TIGD1: variants seen among roughly 807,000 people sequenced by gnomAD.
TIGD1 encodes tigger transposable element derived 1.
TIGD1 carries 20 observed loss-of-function variants against 21.3 expected under a neutral mutation model. The observed-to-expected ratio is 0.94, with a 90% CI of 0.66 to 1.36. The LOEUF is 1.36. Ranked by LOEUF, TIGD1 falls within the 40% of genes most tolerant of loss-of-function variation. The pLI is 0.00. For synonymous variants in TIGD1, 177 were observed against 123.2 expected (o/e 1.44, Z -2.89); for missense variants, 556 against 350.5 (o/e 1.59, Z -4.68).
chr2:232,548,392 G>T lies in TIGD1; in HGVS notation c.1491C>A (p.Asn497Lys). The change falls in exon 1 of 1, where the codon AAC (asparagine) becomes AAA (lysine). Residue 497 changes from asparagine (N) to lysine (K), a missense_variant. Physicochemically the swap from Asn to Lys is moderately conservative, Grantham distance 94 (BLOSUM62 0). Transcript: ENST00000408957. Reference protein sequence around the residue: ...MTTKDLEYYINLVDKAAAGFE... With the variant: ...MTTKDLEYYIKLVDKAAAGFE... ...ACCCTGCTGCTGCTTTATCAACTAAGTTTATGTAATATTCTAAATCCTTTG... is the reference window on the plus strand; with the variant it reads ...ACCCTGCTGCTGCTTTATCAACTAATTTTATGTAATATTCTAAATCCTTTG... The T allele has an allele frequency of 1.2e-6, 1 of 820,846 alleles. No homozygotes were observed. The highest frequency in any genetic ancestry group is 2.0e-6 in the Non-Finnish European group (1 of 505,398). 50.8% of individuals were successfully genotyped at this position (820,846 alleles called of 1,614,324 possible).
In TIGD1 at chr2:232,546,883, G is replaced by A. The variant is rs1031682978; in HGVS notation, c.*1224C>T. On this transcript the variant is annotated 3_prime_UTR_variant, in exon 1 of 1. Transcript: ENST00000408957. ...GGAAGAGCTAGGCAAGAGGAGGTGTGGAGTTAACAGAGAGCCACTGAGCTC... is the reference window on the plus strand; with the variant it reads ...GGAAGAGCTAGGCAAGAGGAGGTGTAGAGTTAACAGAGAGCCACTGAGCTC... Among the ~76,000 whole-genome samples the A allele has an allele frequency of 1.3e-5, 2 of 152,092 alleles. No homozygotes were observed. Among genetic ancestry groups the A allele is most frequent in the Admixed American group, 6.5e-5 (1 of 15,272 alleles).
Position 232,548,258 on chromosome 2 carries a change from A to G in TIGD1, c.1625T>C (p.Met542Thr). 1 of 1,543,222 alleles carries G rather than the reference A, an allele frequency of 6.5e-7. No homozygotes were observed. Among genetic ancestry groups the G allele is most frequent in the Non-Finnish European group, 8.7e-7 (1 of 1,146,348 alleles). ...EIFHERKSQL[M>T]RKASPMSYFR... is the part of the protein sequence containing the mutation. ...ATAAGACATCGGTGAAGCTTTTCGCATGAGTTGACTCTTCCTTTCATGAAA... is the reference window on the plus strand; with the variant it reads ...ATAAGACATCGGTGAAGCTTTTCGCGTGAGTTGACTCTTCCTTTCATGAAA... The change falls in exon 1 of 1, where the codon ATG (methionine) becomes ACG (threonine). Residue 542 changes from methionine to threonine, a missense_variant. Transcript: ENST00000408957.
Position 232,549,961 on chromosome 2 carries a change from G to T in TIGD1, c.-79C>A. ...GAGGCCCAAGAAGAGGGAGAGAGAT[G>T]GGGAACGGTCTGTGGGTGGAGCGGT... On this transcript the variant is annotated 5_prime_UTR_variant, in exon 1 of 1. Coordinates refer to ENST00000408957, the MANE Select transcript of TIGD1 (RefSeq NM_145702.4). 1.3e-6 allele frequency: 1 copy of T among 789,412 alleles called. No homozygotes were observed. The highest frequency in any genetic ancestry group is 1.9e-5 in the South Asian group (1 of 51,656). The allele number at this position is 789,412 out of a possible 1,614,324, so 48.9% of individuals were successfully genotyped here. A position where few individuals can be genotyped will look rare whatever the true frequency, so the allele number is the denominator to read the frequency against.
Position 232,545,584 on chromosome 2 carries a change from C to T in TIGD1, c.*2523G>A, listed in dbSNP as rs2099489. 0.2 allele frequency: 318,984 copies of T among 1,613,722 alleles called. 32,366 individuals are homozygous for T. The highest frequency in any genetic ancestry group is 0.24 in the Middle Eastern group (1,438 of 6,062). ...TCCTGGTGGGCCGAGTGCTGGACCG[C>T]GTCTGCTTCCTGGCCATGCTCTCGC... is the stretch of plus-strand genomic sequence containing the variant. On this transcript the variant is annotated 3_prime_UTR_variant, in exon 1 of 1. Transcript: ENST00000408957.
Position 232,544,960 on chromosome 2 carries a change from TAG to T in TIGD1, c.*3145_*3146del, listed in dbSNP as rs1025248196. On this transcript the variant is annotated 3_prime_UTR_variant, in exon 1 of 1. Transcript: ENST00000408957. ...TGAGTACCTGGGCTTGGAACCGTGA[TAG>T]AGACAGGATGAGTGGGGTTGCCAAG... 9.9e-6 allele frequency: 16 copies of T among 1,608,948 alleles called. No homozygotes were observed. The African/African-American group carries it at 1.1e-4, about 11-fold the overall frequency.
rs1475968129 is a variant in TIGD1 at position 232,548,217 on chromosome 2, G to A, written c.1666C>T (p.Gln556Ter). Residue 556 changes from glutamine to a stop codon, truncating the protein, a stop_gained, in exon 1 of 1, where the codon CAG becomes TAG. Transcript: ENST00000408957. LOFTEE classifies it high-confidence loss of function. Reference protein sequence around the residue: ...SPMSYFRKLPQPPQPSAATTL... With the variant: ...SPMSYFRKLP Reference sequence around the variant, plus strand: ...GTGGCTGCTGAAGGTTGGGGTGGCTGTGGCAATTTCCTAAAATAAGACATC... The same window carrying A: ...GTGGCTGCTGAAGGTTGGGGTGGCTATGGCAATTTCCTAAAATAAGACATC... 1.3e-6 allele frequency: 2 copies of A among 1,541,684 alleles called. No homozygotes were observed. Among genetic ancestry groups the A allele is most frequent in the Non-Finnish European group, 1.7e-6 (2 of 1,146,202 alleles).
In TIGD1 at chr2:232,544,666, G is replaced by C; in HGVS notation, c.*3441C>G. 1 of 1,567,556 alleles carries C rather than the reference G, an allele frequency of 6.4e-7. No homozygotes were observed. Among genetic ancestry groups the C allele is most frequent in the Non-Finnish European group, 8.8e-7 (1 of 1,139,730 alleles). The stretch of plus-strand genomic sequence containing the variant: ...GGCACAGCAGATGAGTGCTGGAGAA[G>C]TGCCCAGGTCAGGGAGAGAGGAGCT... On this transcript the variant is annotated 3_prime_UTR_variant, in exon 1 of 1. Coordinates refer to ENST00000408957, the MANE Select transcript of TIGD1 (RefSeq NM_145702.4).
Position 232,545,646 on chromosome 2 carries a change from C to G in TIGD1, c.*2461G>C, listed in dbSNP as rs747761957. The G allele has an allele frequency of 6.2e-7, 1 of 1,614,172 alleles. No homozygotes were observed. The highest frequency in any genetic ancestry group is 8.5e-7 in the Non-Finnish European group (1 of 1,180,030). On this transcript the variant is annotated 3_prime_UTR_variant, in exon 1 of 1. Coordinates refer to ENST00000408957, the MANE Select transcript of TIGD1 (RefSeq NM_145702.4). ...GGCACAGCTGGCATCTTCCTCATGG[C>G]CCACTACAACCGGGTGCCGGCCCTG...
At position 232,550,284 on chromosome 2, in the gene TIGD1, ATAG is replaced by A; in HGVS notation, c.-405_-403del. 3.1e-6 allele frequency: 1 copy of A among 323,062 alleles called. No homozygotes were observed. The allele number at this position is 323,062 out of a possible 1,614,324, so 20.0% of individuals were successfully genotyped here. A position where few individuals can be genotyped will look rare whatever the true frequency, so the allele number is the denominator to read the frequency against. ...GAAGCGTAATAAAACGAGGTATGCC[ATAG>A]TACAGTGGCGCCGCGACCGACAAAG... On this transcript the variant is annotated 5_prime_UTR_variant, in exon 1 of 1. It adds an upstream start codon to the 5' untranslated region. Coordinates refer to ENST00000408957, the MANE Select transcript of TIGD1 (RefSeq NM_145702.4).
Position 232,544,263 on chromosome 2 carries a change from T to C in TIGD1, c.*3844A>G. ...TACCAAGGCCACGTCACTGCCCCGG[T>C]ATGCTGCCTCCATGGTCCCTAGCAG... is the stretch of plus-strand genomic sequence containing the variant. On this transcript the variant is annotated 3_prime_UTR_variant, in exon 1 of 1. Transcript: ENST00000408957. 1 of 887,116 alleles carries C rather than the reference T, an allele frequency of 1.1e-6. No individual in the cohort carries two copies. Among genetic ancestry groups the C allele is most frequent in the Admixed American group, 1.7e-5 (1 of 59,114 alleles). 55.0% of individuals were successfully genotyped at this position (887,116 alleles called of 1,614,324 possible).
In TIGD1 at chr2:232,548,883, T is replaced by C. The variant is rs1267293872; in HGVS notation, c.1000A>G (p.Met334Val). ...AAGGTCGAAATTACCCCTTGATCCA[T>C]GGGCTGCAGAATGGATGTTGTGTTA... Reference protein sequence around the residue: ...PANTTSILQPMDQGVISTFKS... With the variant: ...PANTTSILQPVDQGVISTFKS... Residue 334 changes from methionine to valine, a missense_variant, in exon 1 of 1, where the codon ATG becomes GTG. Coordinates refer to ENST00000408957, the MANE Select transcript of TIGD1 (RefSeq NM_145702.4). The C allele has an allele frequency of 4.6e-6, 3 of 646,252 alleles. No individual in the cohort carries two copies. Among genetic ancestry groups the C allele is most frequent in the African/African-American group, 1.8e-5 (1 of 56,226 alleles). The allele number at this position is 646,252 out of a possible 1,614,324, so 40.0% of individuals were successfully genotyped here. A position where few individuals can be genotyped will look rare whatever the true frequency, so the allele number is the denominator to read the frequency against.
chr2:232,544,586 A>G lies in TIGD1; in HGVS notation c.*3521T>C. ...GGCAGCGCTGGAGAAGCTAGGTGAGACACACCAGGTGTGCCTGGGGACAGT... is the reference window on the plus strand; with the variant it reads ...GGCAGCGCTGGAGAAGCTAGGTGAGGCACACCAGGTGTGCCTGGGGACAGT... On this transcript the variant is annotated 3_prime_UTR_variant, in exon 1 of 1. Transcript: ENST00000408957. 6.2e-7 allele frequency: 1 copy of G among 1,609,176 alleles called. No individual in the cohort carries two copies. The highest frequency in any genetic ancestry group is 8.5e-7 in the Non-Finnish European group (1 of 1,176,424).
In TIGD1 at chr2:232,544,066, C is replaced by T. The variant is rs1692074103; in HGVS notation, c.*4041G>A. On this transcript the variant is annotated 3_prime_UTR_variant, in exon 1 of 1. Coordinates refer to ENST00000408957, the MANE Select transcript of TIGD1 (RefSeq NM_145702.4). Reference sequence around the variant, plus strand: ...GTGTGATCTGTAGCCCACCTGCAGCCTTCAGCTTGGGCCCTTGTTGCACAT... The same window carrying T: ...GTGTGATCTGTAGCCCACCTGCAGCTTTCAGCTTGGGCCCTTGTTGCACAT... 6.6e-6 allele frequency among the ~76,000 whole-genome samples: 1 copy of T among 152,192 alleles called. No homozygotes were observed. Among genetic ancestry groups the T allele is most frequent in the Admixed American group, 6.5e-5 (1 of 15,290 alleles).
Position 232,549,669 on chromosome 2 carries a change from T to C in TIGD1, c.214A>G (p.Ile72Val), listed in dbSNP as rs1201825042. 1.4e-6 allele frequency: 1 copy of C among 729,938 alleles called. No homozygotes were observed. Among genetic ancestry groups the C allele is most frequent in the Non-Finnish European group, 2.5e-6 (1 of 398,422 alleles). 45.2% of individuals were successfully genotyped at this position (729,938 alleles called of 1,614,324 possible). ...KSATPMNTRM[I>V]RKRNSLIADM... Reference sequence around the variant, plus strand: ...GCAATAAGGCTGTTTCGCTTTCTTATCATTCGTGTGTTCATTGGAGTAGCA... The same window carrying C: ...GCAATAAGGCTGTTTCGCTTTCTTACCATTCGTGTGTTCATTGGAGTAGCA... The change falls in exon 1 of 1, where the codon ATA becomes GTA. Residue 72 changes from isoleucine to valine, a missense_variant. By Grantham distance (29) the Ile-to-Val change is conservative. Transcript: ENST00000408957.
rs1418842113 is a variant in TIGD1, at chr2:232,547,044, G to GGAC, written c.*1060_*1062dup. Among the ~76,000 whole-genome samples, 1 of 152,092 alleles carries GGAC rather than the reference G, an allele frequency of 6.6e-6. No individual in the cohort carries two copies. The highest frequency in any genetic ancestry group is 6.5e-5 in the Admixed American group (1 of 15,272). Reference sequence around the variant, plus strand: ...CACACGAGTTTGGCTGGTAACCAGGGGACACCCTTGGGCAAGTCACCTATG... The same window carrying GGAC: ...CACACGAGTTTGGCTGGTAACCAGGGGACGACACCCTTGGGCAAGTCACCTATG... On this transcript the variant is annotated 3_prime_UTR_variant, in exon 1 of 1. Coordinates refer to ENST00000408957, the MANE Select transcript of TIGD1 (RefSeq NM_145702.4).
At position 232,550,028 on chromosome 2, in the gene TIGD1, GCTGT is replaced by G; in HGVS notation, c.-150_-147del. ...TTAAGTTCCACGTCTTATAAAAGAC[GCTGT>G]ATGTGGCACCCCAAAACAATGACAA... On this transcript the variant is annotated 5_prime_UTR_variant, in exon 1 of 1. An upstream open reading frame in the 5' UTR gains an earlier in-frame stop. Coordinates refer to ENST00000408957, the MANE Select transcript of TIGD1 (RefSeq NM_145702.4). 2.0e-6 allele frequency: 1 copy of G among 510,522 alleles called. No homozygotes were observed. Among genetic ancestry groups the G allele is most frequent in the South Asian group, 3.7e-5 (1 of 27,250 alleles). The allele number at this position is 510,522 out of a possible 1,614,324, so 31.6% of individuals were successfully genotyped here.
In TIGD1 at chr2:232,545,539, T is replaced by G; in HGVS notation, c.*2568A>C. 2 of 1,613,390 alleles carry G rather than the reference T, an allele frequency of 1.2e-6. No individual in the cohort carries two copies. The highest frequency in any genetic ancestry group is 1.7e-6 in the Non-Finnish European group (2 of 1,179,838). ...GTTATCCCACACCTGCCTCCCACCC[T>G]CAGGGGAATGAGGAGTGGTTCCTGG... On this transcript the variant is annotated 3_prime_UTR_variant, in exon 1 of 1. Coordinates refer to ENST00000408957, the MANE Select transcript of TIGD1 (RefSeq NM_145702.4).
In TIGD1 at chr2:232,545,796, G is replaced by C. The variant is rs1692122279; in HGVS notation, c.*2311C>G. On this transcript the variant is annotated 3_prime_UTR_variant, in exon 1 of 1. Transcript: ENST00000408957. ...CTTATCAGCCACGTTCTCCTACTGA[G>C]GTCCTAAGTGTGCTCTTTGGGAAGT... 10 of 1,486,662 alleles carry C rather than the reference G, an allele frequency of 6.7e-6. No homozygotes were observed. The South Asian group carries it at 1.0e-4, about 15-fold the overall frequency. The allele number at this position is 1,486,662 out of a possible 1,614,324, so 92.1% of individuals were successfully genotyped here. A position where few individuals can be genotyped will look rare whatever the true frequency, so the allele number is the denominator to read the frequency against.
In TIGD1 at chr2:232,544,538, T is replaced by C. The variant is rs768802998; in HGVS notation, c.*3569A>G. 1.7e-5 allele frequency: 28 copies of C among 1,613,610 alleles called. No individual in the cohort carries two copies. The African/African-American group carries it at 2.7e-4, about 15-fold the overall frequency. On this transcript the variant is annotated 3_prime_UTR_variant, in exon 1 of 1. Coordinates refer to ENST00000408957, the MANE Select transcript of TIGD1 (RefSeq NM_145702.4). The stretch of plus-strand genomic sequence containing the variant: ...TCGCAGTGAACTCCTCTTCCAGCAG[T>C]GGCAGCGGCAAGGGCTGGTGGCGGC...
Sources: allele counts gnomAD v4.1 joint callset (sites outside exome capture counted in the v4.1 genomes callset), GRCh38; gene constraint gnomAD v4.1.1; transcripts MANE v1.5; gene names NCBI Gene and HGNC (gene_info 2026-07-23, HGNC 2026-07-21).